The following GADL1 variants were observed in gnomAD, a reference collection of about 807,000 sequenced individuals.
The protein encoded by GADL1 is GAD like acidic amino acid decarboxylase 1, also known as acidic amino acid decarboxylase GADL1.
Under a neutral mutation model 69.5 loss-of-function variants are expected in GADL1, and 71 were observed. The observed-to-expected ratio is 1.02, with a 90% confidence interval of 0.84 to 1.25. The LOEUF is 1.25. Ranked by LOEUF, GADL1 falls within the 50% of genes most tolerant of loss-of-function variation. GADL1 has a pLI of 0.00. For synonymous variants in GADL1, 254 were observed against 214.4 expected, an observed-to-expected ratio of 1.18 and a Z score of -1.62; for missense variants, 737 against 631.8, an observed-to-expected ratio of 1.17 and a Z score of -1.79.
chr3:30,778,141 TTCA>T lies in GADL1; in HGVS notation c.1392+35_1392+37del, dbSNP rs777715123. 4 of 1,159,480 alleles carry T rather than the reference TTCA, an allele frequency of 3.4e-6. No homozygotes were observed. The South Asian group carries it at 3.7e-5, about 11-fold the overall frequency. The allele number at this position is 1,159,480 out of a possible 1,614,324, so 71.8% of individuals were successfully genotyped here. A position where few individuals can be genotyped will look rare whatever the true frequency, so the allele number is the denominator to read the frequency against. Reference sequence around the variant, plus strand: ...AACAGATAATGTACACTGAATCTACTTCATCAAAAAGAAAAATACCATTTACTT... The same window carrying T: ...AACAGATAATGTACACTGAATCTACTTCAAAAAGAAAAATACCATTTACTT... On this transcript the variant is annotated intron_variant, in intron 14 of 14. Transcript: ENST00000282538.
chr3:30,754,674 T>A (rs1695922064), intron 14 of GADL1, among the ~76,000 whole-genome samples: 1 of 152,024 alleles, frequency 6.6e-6, no homozygotes, highest in Non-Finnish European at 1.5e-5. Flanking sequence ...AGACATAAAA[T>A]CTCAACTGCC....
intron 11 of GADL1, among the ~76,000 whole-genome samples, chr3:30,821,952 C>T (rs915827267): frequency 1.3e-5 from 2 of 152,038 alleles, no homozygotes; most frequent in East Asian, 1.9e-4. Context: ...CCAGTTTATA[C>T]ACTAATGCTA....
chr3:30,791,930 C>T (rs1025555466), intron 12 of GADL1, among the ~76,000 whole-genome samples: 5 of 152,168 alleles, frequency 3.3e-5, no homozygotes, highest in African/African-American at 1.2e-4. Flanking sequence ...TGTGCCTTTG[C>T]TCCCCTTTCA....
At chr3:30,763,675 T>C (rs977594853) in intron 14 of GADL1, among the ~76,000 whole-genome samples, 8 of 152,188 alleles carry the variant, frequency 5.3e-5, no homozygotes, top group African/African-American at 1.7e-4. Context: ...TATCTCAGAA[T>C]TTATTGAATA....
chr3:30,732,853 T>C (rs1336950389), intron 14 of GADL1, among the ~76,000 whole-genome samples: 1 of 152,096 alleles, frequency 6.6e-6, no homozygotes, highest in Non-Finnish European at 1.5e-5. Flanking sequence ...AGGCCAGGAG[T>C]TTGAGACCAG....
chr3:30,766,325 G>A (rs949566578), intron 14 of GADL1, among the ~76,000 whole-genome samples: 1 of 152,170 alleles, frequency 6.6e-6, no homozygotes, highest in Non-Finnish European at 1.5e-5. Context: ...TCTTGAAGAT[G>A]TGCAACCAGC....
chr3:30,888,460 AG>A (rs1698737608), intron 1 of GADL1, among the ~76,000 whole-genome samples: 1 of 152,194 alleles, frequency 6.6e-6, no homozygotes, highest in Non-Finnish European at 1.5e-5. Flanking sequence ...TCATAGTGAA[AG>A]CCAAGTGGGA....
At chr3:30,817,580 C>A (rs929302191) in intron 11 of GADL1, among the ~76,000 whole-genome samples, 2 of 152,128 alleles carry the variant, frequency 1.3e-5, no homozygotes, top group African/African-American at 2.4e-5. Context: ...AGGCAGAAAA[C>A]AATCTTTTCC....
In GADL1 at chr3:30,834,174, T is replaced by C. The variant is rs1219235243; in HGVS notation, c.968+43A>G. 2.7e-6 allele frequency: 4 copies of C among 1,483,186 alleles called. No homozygotes were observed. In the East Asian group the frequency reaches 9.0e-5, roughly 34 times the overall value. 91.9% of individuals were successfully genotyped at this position (1,483,186 alleles called of 1,614,324 possible). ...TATCACTTAGTCCAAAGAGATCCCTTTGCCTGACAAAAGTTGGCTGTACAC... is the reference window on the plus strand; with the variant it reads ...TATCACTTAGTCCAAAGAGATCCCTCTGCCTGACAAAAGTTGGCTGTACAC... On this transcript the variant is annotated intron_variant, in intron 10 of 14. Transcript: ENST00000282538.
At chr3:30,851,937 T>TA (rs1354469075) in intron 4 of GADL1, among the ~76,000 whole-genome samples, 1 of 151,536 alleles carries the variant, frequency 6.6e-6, no homozygotes, top group African/African-American at 2.4e-5. Flanking sequence ...CCTTGTTTGA[T>TA]ATTTATTTTC....
At chr3:30,758,672 T>G (rs1696041632) in intron 14 of GADL1, among the ~76,000 whole-genome samples, 1 of 152,194 alleles carries the variant, frequency 6.6e-6, no homozygotes, top group African/African-American at 2.4e-5. Flanking sequence ...TAAAAACTAT[T>G]CCTGGATTCT....
At chr3:30,831,254 A>C (rs1201622699) in intron 11 of GADL1, among the ~76,000 whole-genome samples, 1 of 151,926 alleles carries the variant, frequency 6.6e-6, no homozygotes, top group Non-Finnish European at 1.5e-5. Flanking sequence ...ATATTATGTC[A>C]ATCTTCACAT....
At chr3:30,882,287 A>G (rs941442259) in intron 1 of GADL1, among the ~76,000 whole-genome samples, 26 of 151,886 alleles carry the variant, frequency 1.7e-4, no homozygotes, top group Non-Finnish European at 8.8e-5. Flanking sequence ...ACAGATCTTC[A>G]AAATATTTTC....
At chr3:30,852,962 C>T (rs1328861489) in intron 4 of GADL1, among the ~76,000 whole-genome samples, 1 of 152,134 alleles carries the variant, frequency 6.6e-6, no homozygotes, top group African/African-American at 2.4e-5. Flanking sequence ...CCATCAAAAC[C>T]TCCCTAAAGT....
At chr3:30,849,803 A>T (rs1044364052) in intron 6 of GADL1, among the ~76,000 whole-genome samples, 193 bp downstream of exon 6, 3 of 152,160 alleles carry the variant, frequency 2.0e-5, no homozygotes, top group Admixed American at 2.0e-4. Flanking sequence ...AAATAAAGGT[A>T]ATTATACAAA....
chr3:30,827,023 A>G lies in GADL1; in HGVS notation c.1050+6830T>C, dbSNP rs188674449. Reference sequence around the variant, plus strand: ...TACCCCTTCAAAAAATTTCCTATGTATTTTCCAAAGCAAGAAGGGTCATGC... The same window carrying G: ...TACCCCTTCAAAAAATTTCCTATGTGTTTTCCAAAGCAAGAAGGGTCATGC... On this transcript the variant is annotated intron_variant, in intron 11 of 14. Coordinates refer to ENST00000282538, the MANE Select transcript of GADL1 (RefSeq NM_207359.3). Among the ~76,000 whole-genome samples, 20 of 151,958 alleles carry G rather than the reference A, an allele frequency of 1.3e-4. No homozygotes were observed. In the East Asian group the frequency reaches 3.7e-3, roughly 28 times the overall value.
intron 1 of GADL1, among the ~76,000 whole-genome samples, chr3:30,892,798 T>C (rs1698802205): frequency 6.6e-6 from 1 of 152,366 alleles, no homozygotes; most frequent in Admixed American, 6.5e-5. Flanking sequence ...TCCTGTATTA[T>C]TAGGATTCCT....
rs117132296 is a variant in GADL1 at position 30,888,802 on chromosome 3, T to A, written c.37+5776A>T. ...TAAGACTGAAAAAGAGTTCCCTACA[T>A]GAAAAGTAATGTGGCTGGTGGATCC... On this transcript the variant is annotated intron_variant, in intron 1 of 14. Transcript: ENST00000282538. Among the ~76,000 whole-genome samples the A allele has an allele frequency of 2.9e-3, 448 of 152,024 alleles. 7 individuals carry two copies. The East Asian group carries it at 0.035, about 12-fold the overall frequency.
chr3:30,758,529 T>TA (rs112544294), intron 14 of GADL1, among the ~76,000 whole-genome samples: 8,428 of 148,300 alleles, frequency 0.057, 596 homozygotes, highest in African/African-American at 0.17. Flanking sequence ...AACTACCTCA[T>TA]AGAGGGTGGT....
Sources: gnomAD v4.1 joint callset for allele counts (sites outside exome capture counted in the v4.1 genomes callset) on GRCh38, gnomAD v4.1.1 for gene constraint, MANE v1.5 for transcripts, NCBI Gene and HGNC (gene_info 2026-07-23, HGNC 2026-07-21) for gene names.